HSDL2: variants seen among roughly 807,000 people sequenced by gnomAD.
HSDL2 encodes the protein hydroxysteroid dehydrogenase-like protein 2.
In HSDL2, 27 loss-of-function variants were observed where a neutral mutation model predicts 46.3. The observed-to-expected ratio is 0.58, with a 90% CI of 0.43 to 0.80. HSDL2 has a LOEUF of 0.80. Among genes scored for constraint, HSDL2 ranks in the 30% least tolerant of loss-of-function variants. The pLI, the probability that HSDL2 is intolerant of heterozygous loss-of-function variation, is 0.00. For missense variants in HSDL2, 451 were observed against 502.7 expected, an observed-to-expected ratio of 0.90 and a Z score of 0.98; for synonymous variants, 153 against 163.6, an observed-to-expected ratio of 0.94 and a Z score of 0.50.
intron 4 of HSDL2, among the ~76,000 whole-genome samples, chr9:112,414,449 T>TA (rs1215415996): frequency 2.6e-5 from 4 of 152,148 alleles, no homozygotes; most frequent in Non-Finnish European, 4.4e-5. Flanking sequence ...CGGCTGAAGG[T>TA]ATCAGTATCT....
chr9:112,452,385 G>A (rs761815857), intron 8 of HSDL2, among the ~76,000 whole-genome samples: 2 of 152,174 alleles, frequency 1.3e-5, no homozygotes, highest in Non-Finnish European at 2.9e-5. Flanking sequence ...TTTAATTAAC[G>A]AATTGTTCTT....
At chr9:112,395,828 C>T (rs879886494) in intron 1 of HSDL2, among the ~76,000 whole-genome samples, 28 of 152,198 alleles carry the variant, frequency 1.8e-4, no homozygotes, top group Non-Finnish European at 4.0e-4. Context: ...GGAGGTTCCA[C>T]ATTTCCAAGT....
chr9:112,401,018 AAT>A lies in HSDL2; in HGVS notation c.18-2976_18-2975del, dbSNP rs1831578853. Among the ~76,000 whole-genome samples, 3 of 152,182 alleles carry A rather than the reference AAT, an allele frequency of 2.0e-5. No homozygotes were observed. In the South Asian group the frequency reaches 6.2e-4, roughly 31 times the overall value. On this transcript the variant is annotated intron_variant, in intron 1 of 10. Coordinates refer to ENST00000398805, the MANE Select transcript of HSDL2 (RefSeq NM_032303.5). The stretch of plus-strand genomic sequence containing the variant: ...ACATGCTTTTTGGGGGACACAATTC[AAT>A]CAATAACAGGGAGATAAGGCCGGGG...
At chr9:112,414,350 A>G (rs2132636722) in intron 4 of HSDL2, among the ~76,000 whole-genome samples, 1 of 152,334 alleles carries the variant, frequency 6.6e-6, no homozygotes, top group African/African-American at 2.4e-5. Context: ...TTGAGTTTGA[A>G]ACCCCAAGTA....
chr9:112,381,698 G>A (rs530356473), intron 1 of HSDL2, among the ~76,000 whole-genome samples: 3 of 152,180 alleles, frequency 2.0e-5, no homozygotes, highest in African/African-American at 7.2e-5. Flanking sequence ...AACAGCTTGA[G>A]TATCCATTAT....
intron 9 of HSDL2, among the ~76,000 whole-genome samples, chr9:112,454,737 G>A (rs905771576): frequency 5.3e-5 from 8 of 151,062 alleles, no homozygotes; most frequent in Non-Finnish European, 1.0e-4. Flanking sequence ...ATGGAGTCTC[G>A]CTTTGTTGCC....
chr9:112,444,370 G>T (rs1327957277), intron 8 of HSDL2, among the ~76,000 whole-genome samples: 3 of 151,866 alleles, frequency 2.0e-5, no homozygotes, highest in African/African-American at 7.3e-5. Flanking sequence ...GTGTATGTTA[G>T]CTCTTATATA....
At chr9:112,459,176 C>T (rs1564133513) in intron 9 of HSDL2, among the ~76,000 whole-genome samples, 1 of 152,174 alleles carries the variant, frequency 6.6e-6, no homozygotes, top group African/African-American at 2.4e-5. Flanking sequence ...TTTTCTTCCT[C>T]TGGTTATCTT....
At chr9:112,415,279 G>A (rs921271685) in intron 4 of HSDL2, among the ~76,000 whole-genome samples, 1 of 152,178 alleles carries the variant, frequency 6.6e-6, no homozygotes, top group Admixed American at 6.5e-5. Context: ...GAAGTACTAT[G>A]CCTATTAAGA....
chr9:112,398,399 A>G (rs1158142188), intron 1 of HSDL2, among the ~76,000 whole-genome samples: 1 of 152,018 alleles, frequency 6.6e-6, no homozygotes, highest in African/African-American at 2.4e-5. Context: ...AAGAGTTAGT[A>G]TAGATATGGT....
At chr9:112,444,090 G>A (rs1177759380) in intron 8 of HSDL2, among the ~76,000 whole-genome samples, 2 of 152,196 alleles carry the variant, frequency 1.3e-5, no homozygotes, top group Non-Finnish European at 2.9e-5. Flanking sequence ...ATTTACTTCT[G>A]TAGCTCTCTT....
rs35582159 is a variant in HSDL2 at position 112,465,408 on chromosome 9, C to T, written c.1145-5024C>T. 3.6e-3 allele frequency among the ~76,000 whole-genome samples: 543 copies of T among 152,290 alleles called. 16 individuals carry two copies. Among genetic ancestry groups the T allele is most frequent in the Admixed American group, 0.033 (497 of 15,284 alleles). On this transcript the variant is annotated intron_variant, in intron 10 of 10. Transcript: ENST00000398805. Reference sequence around the variant, plus strand: ...CCTGCCAAAGTGCTGGGATTACAGGCGTGAGCCACCAGGCCCGGCCGCAAT... The same window carrying T: ...CCTGCCAAAGTGCTGGGATTACAGGTGTGAGCCACCAGGCCCGGCCGCAAT...
chr9:112,416,643 G>T lies in HSDL2; in HGVS notation c.396-198G>T, dbSNP rs181207770. 3.3e-5 allele frequency among the ~76,000 whole-genome samples: 5 copies of T among 150,628 alleles called. 1 individual carries two copies. In the East Asian group the frequency reaches 9.7e-4, roughly 29 times the overall value. On this transcript the variant is annotated intron_variant, in intron 4 of 10. Coordinates refer to ENST00000398805, the MANE Select transcript of HSDL2 (RefSeq NM_032303.5). ...CTGGGCATGGTGGTGCTGCACACCT[G>T]TAGTTCCAGCTACTCGGAAAACTGA...
chr9:112,406,235 A>AG (rs1467196961), intron 3 of HSDL2, among the ~76,000 whole-genome samples: 2 of 151,958 alleles, frequency 1.3e-5, no homozygotes, highest in African/African-American at 2.4e-5. Context: ...AAGGGATGCA[A>AG]GGGGGGTAGA....
At chr9:112,424,193 C>T (rs1036309105) in intron 6 of HSDL2, among the ~76,000 whole-genome samples, 21 of 150,296 alleles carry the variant, frequency 1.4e-4, no homozygotes, top group Non-Finnish European at 2.8e-4. Context: ...TAGTGGCGGG[C>T]GCCTGTAATC....
chr9:112,436,960 C>CTTTTTTTTTT lies in HSDL2; in HGVS notation c.599-1463_599-1454dup, dbSNP rs780957603. 2.4e-4 allele frequency among the ~76,000 whole-genome samples: 31 copies of CTTTTTTTTTT among 126,780 alleles called. 1 individual carries two copies. The highest frequency in any genetic ancestry group is 7.5e-4 in the South Asian group (3 of 3,974). 83.2% of individuals were successfully genotyped at this position (126,780 alleles called of 152,430 possible). A position where few individuals can be genotyped will look rare whatever the true frequency, so the allele number is the denominator to read the frequency against. ...TTACTTCTCTTTCTTTTCTTTTTTTCTTTTTTTTTTTTTTTTTGAGACGGA... is the reference window on the plus strand; with the variant it reads ...TTACTTCTCTTTCTTTTCTTTTTTTCTTTTTTTTTTTTTTTTTTTTTTTTTTTGAGACGGA... On this transcript the variant is annotated intron_variant, in intron 6 of 10. Coordinates refer to ENST00000398805, the MANE Select transcript of HSDL2 (RefSeq NM_032303.5).
chr9:112,395,086 A>G lies in HSDL2; in HGVS notation c.18-8909A>G, dbSNP rs1831427647. ...AGTGCTGGAGGAGGAAGAGAAGAACAGAGGGATGTTATTTTCAGGCTAATA... is the reference window on the plus strand; with the variant it reads ...AGTGCTGGAGGAGGAAGAGAAGAACGGAGGGATGTTATTTTCAGGCTAATA... On this transcript the variant is annotated intron_variant, in intron 1 of 10. Transcript: ENST00000398805. Among the ~76,000 whole-genome samples the G allele has an allele frequency of 2.0e-5, 3 of 152,330 alleles. No individual in the cohort carries two copies. In the South Asian group the frequency reaches 6.2e-4, roughly 32 times the overall value.
intron 1 of HSDL2, among the ~76,000 whole-genome samples, chr9:112,393,033 G>C (rs1226365551): frequency 7.2e-5 from 11 of 152,102 alleles, no homozygotes; most frequent in Non-Finnish European, 1.5e-4. Context: ...GGCGATGAAG[G>C]CTTGTTCGTT....
chr9:112,404,596 A>G (rs1831682490), intron 2 of HSDL2, among the ~76,000 whole-genome samples: 1 of 151,910 alleles, frequency 6.6e-6, no homozygotes, highest in African/African-American at 2.4e-5. Context: ...GGGAGTAGGG[A>G]AGTGGAGTAG....
Sources: gnomAD v4.1 joint callset for allele counts (sites outside exome capture counted in the v4.1 genomes callset) on GRCh38, gnomAD v4.1.1 for gene constraint, MANE v1.5 for transcripts, NCBI Gene and HGNC (gene_info 2026-07-23, HGNC 2026-07-21) for gene names.